The following DCDC1 variants were observed in gnomAD, a reference collection of about 807,000 sequenced individuals.
The protein encoded by DCDC1 is doublecortin domain-containing protein 1.
A neutral mutation model predicts 178.3 loss-of-function variants in DCDC1; 200 were observed. The ratio of observed to expected loss-of-function variants is 1.12; its 90% CI spans 1.00 to 1.26. The LOEUF (loss-of-function observed/expected upper bound fraction) is 1.26. Ranked by LOEUF, DCDC1 falls within the 50% of genes most tolerant of loss-of-function variation. The pLI, the probability that DCDC1 is intolerant of heterozygous loss-of-function variation, is 0.00. For missense variants in DCDC1, 1,983 were observed against 1,749.2 expected (o/e 1.13, Z -2.38); for synonymous variants, 690 against 604.8 (o/e 1.14, Z -2.07).
At chr11:30,904,909 C>A in intron 31 of DCDC1, 52 bp downstream of exon 31, 1 of 1,600,880 alleles carries the variant, frequency 6.2e-7, no homozygotes, top group Non-Finnish European at 8.6e-7. Flanking sequence ...GAAGAATTGC[C>A]ATTGTCATTA....
intron 21 of DCDC1, among the ~76,000 whole-genome samples, chr11:30,938,519 A>G (rs1347658352): frequency 6.6e-6 from 1 of 151,292 alleles, no homozygotes; most frequent in Non-Finnish European, 1.5e-5. Context: ...TCTCTTTCTG[A>G]TTTCCTTTCT....
chr11:30,989,267 A>T (rs1384800450), intron 20 of DCDC1, among the ~76,000 whole-genome samples: 1 of 152,188 alleles, frequency 6.6e-6, no homozygotes, highest in Non-Finnish European at 1.5e-5. Flanking sequence ...AGAACAGAGA[A>T]ACGACTTTTG....
intron 17 of DCDC1, among the ~76,000 whole-genome samples, chr11:31,083,931 T>G (rs1957335639): frequency 6.6e-6 from 1 of 152,208 alleles, no homozygotes. Flanking sequence ...AAAAATAACT[T>G]CGATTCAACT....
At chr11:30,902,553 T>C (rs184579708) in intron 32 of DCDC1, among the ~76,000 whole-genome samples, 4 of 152,252 alleles carry the variant, frequency 2.6e-5, no homozygotes, top group East Asian at 1.9e-4. Flanking sequence ...CATGAAGTAA[T>C]TGACAATTTT....
chr11:31,084,366 A>C (rs1303146498), intron 17 of DCDC1, among the ~76,000 whole-genome samples: 2 of 152,178 alleles, frequency 1.3e-5, no homozygotes, highest in East Asian at 3.8e-4. Context: ...GTTATTTATA[A>C]TAAAATATGG....
At chr11:31,058,994 A>T (rs1422644037) in intron 20 of DCDC1, among the ~76,000 whole-genome samples, 3 of 152,130 alleles carry the variant, frequency 2.0e-5, no homozygotes, top group Non-Finnish European at 2.9e-5. Context: ...AGAGTAGAGC[A>T]TCGCATTCAT....
intron 21 of DCDC1, among the ~76,000 whole-genome samples, chr11:30,937,021 C>G (rs1203461684): frequency 6.6e-6 from 1 of 152,126 alleles, no homozygotes; most frequent in Admixed American, 6.5e-5. Context: ...ATTAATTTTT[C>G]TTTCCTTCTC....
chr11:31,208,802 CAT>C (rs1413317000), intron 9 of DCDC1, among the ~76,000 whole-genome samples: 1 of 152,154 alleles, frequency 6.6e-6, no homozygotes, highest in Non-Finnish European at 1.5e-5. Context: ...AATAGGTTCA[CAT>C]GTCTGGATCT....
At chr11:30,922,717 T>C (rs1946329234) in intron 23 of DCDC1, 79 bp from the exon 24 acceptor site, 1 of 1,343,278 alleles carries the variant, frequency 7.4e-7, no homozygotes, top group Non-Finnish European at 9.7e-7. Context: ...TGGAAACAAT[T>C]AAAAAAATCA....
In DCDC1 at chr11:31,305,093, A is replaced by G. The variant is rs575045104; in HGVS notation, c.754+522T>C. Among the ~76,000 whole-genome samples the G allele has an allele frequency of 3.9e-3, 591 of 152,282 alleles. 4 individuals are homozygous for G. The highest frequency in any genetic ancestry group is 0.013 in the African/African-American group (549 of 41,566). On this transcript the variant is annotated intron_variant, in intron 6 of 38. Coordinates refer to ENST00000684477, the MANE Select transcript of DCDC1 (RefSeq NM_001387274.1). ...TATATTATACATTTTAAGGTTAAAA[A>G]ATAATCAAGCTGGAACATTTCTTAT...
chr11:31,337,494 C>T (rs1950331699), intron 1 of DCDC1, among the ~76,000 whole-genome samples: 1 of 152,180 alleles, frequency 6.6e-6, no homozygotes. Context: ...CACAGTGAGA[C>T]CCTGACTCTA....
intron 9 of DCDC1, among the ~76,000 whole-genome samples, chr11:31,201,086 G>C (rs1007220411): frequency 6.6e-6 from 1 of 151,924 alleles, no homozygotes; most frequent in African/African-American, 2.4e-5. Context: ...AGCTTCTTAA[G>C]GACAAGGAGC....
chr11:30,994,011 G>A (rs1951118873), intron 20 of DCDC1, among the ~76,000 whole-genome samples: 1 of 152,036 alleles, frequency 6.6e-6, no homozygotes, highest in Non-Finnish European at 1.5e-5. Context: ...GAAAACTACA[G>A]ATCAATATTC....
At chr11:31,326,329 G>C (rs1297004321) in intron 3 of DCDC1, among the ~76,000 whole-genome samples, 1 of 151,954 alleles carries the variant, frequency 6.6e-6, no homozygotes, top group Non-Finnish European at 1.5e-5. Context: ...TAGGAAAAAA[G>C]CAGGAACAGA....
chr11:30,968,736 T>TATATATATATATATATATATATATATA (rs1949611544), intron 20 of DCDC1, among the ~76,000 whole-genome samples: 4 of 134,876 alleles, frequency 3.0e-5, no homozygotes, highest in East Asian at 2.1e-4. Flanking sequence ...TATATATATA[T>TATATATATATATATATATATATATATA]GGTTTGATAT....
chr11:31,081,318 A>C (rs532591442), intron 17 of DCDC1, among the ~76,000 whole-genome samples: 1 of 152,304 alleles, frequency 6.6e-6, no homozygotes, highest in Admixed American at 6.5e-5. Flanking sequence ...GTTAAGAAAA[A>C]AAGAAATAAG....
At chr11:30,974,198 C>T (rs765831702) in intron 20 of DCDC1, among the ~76,000 whole-genome samples, 6 of 149,742 alleles carry the variant, frequency 4.0e-5, no homozygotes, top group African/African-American at 7.4e-5. Flanking sequence ...CAAACCAAAA[C>T]GCAACACACC....
intron 9 of DCDC1, among the ~76,000 whole-genome samples, chr11:31,154,056 C>T (rs1179992817): frequency 2.0e-5 from 3 of 152,128 alleles, no homozygotes; most frequent in African/African-American, 4.8e-5. Flanking sequence ...CTCACGCTAG[C>T]GAGTGAGTTC....
At chr11:30,996,659 G>C (rs1951290041) in intron 20 of DCDC1, among the ~76,000 whole-genome samples, 1 of 152,132 alleles carries the variant, frequency 6.6e-6, no homozygotes, top group Admixed American at 6.5e-5. Context: ...GCACAGTCTT[G>C]GAAGAAAAGA....
Sources: allele counts gnomAD v4.1 joint callset (sites outside exome capture counted in the v4.1 genomes callset), GRCh38; gene constraint gnomAD v4.1.1; transcripts MANE v1.5; gene names NCBI Gene and HGNC (gene_info 2026-07-23, HGNC 2026-07-21).